The following RABGAP1 variants were observed in gnomAD, a reference collection of about 807,000 sequenced individuals.
The protein encoded by RABGAP1 is rab GTPase-activating protein 1.
In RABGAP1, 23 loss-of-function variants were observed where a neutral mutation model predicts 137.6. That is an observed-to-expected ratio of 0.17 (90% CI 0.12 to 0.24). The LOEUF is 0.24. Ranked by LOEUF, RABGAP1 falls within the 10% of genes least tolerant of loss-of-function variation. The pLI is 1.00. For missense variants in RABGAP1, 906 were observed against 1,275.8 expected, an observed-to-expected ratio of 0.71 and a Z score of 4.42; for synonymous variants, 451 against 450.7, an observed-to-expected ratio of 1.00 and a Z score of -0.01.
chr9:122,941,476 C>G (rs959328647), intron 1 of RABGAP1, among the ~76,000 whole-genome samples: 1 of 152,036 alleles, frequency 6.6e-6, no homozygotes, highest in Non-Finnish European at 1.5e-5. Flanking sequence ...TCCAGCCGCT[C>G]CCCCCCGCCT....
chr9:122,950,377 C>CTTTTTTTTTTTTTTTTTTTTTTTGT (rs200424486), intron 1 of RABGAP1, among the ~76,000 whole-genome samples: 4 of 74,490 alleles, frequency 5.4e-5, no homozygotes, highest in Non-Finnish European at 9.5e-5. Flanking sequence ...CTTTTTCTTT[C>CTTTTTTTTTTTTTTTTTTTTTTTGT]TTTTTTTTTT....
intron 21 of RABGAP1, among the ~76,000 whole-genome samples, chr9:123,097,454 C>T (rs368386046): frequency 1.3e-5 from 2 of 152,196 alleles, no homozygotes; most frequent in South Asian, 2.1e-4. Flanking sequence ...TAGAGAGGTT[C>T]TCAATGACTT....
intron 2 of RABGAP1, among the ~76,000 whole-genome samples, chr9:122,958,128 G>A (rs1464828725): frequency 2.0e-5 from 3 of 152,136 alleles, no homozygotes; most frequent in Non-Finnish European, 4.4e-5. Flanking sequence ...CCACTTGTCT[G>A]GGGCAGACGG....
chr9:123,021,750 AT>A (rs1220280710), intron 13 of RABGAP1, among the ~76,000 whole-genome samples: 3 of 152,182 alleles, frequency 2.0e-5, no homozygotes, highest in Non-Finnish European at 4.4e-5. Context: ...AAGTATTCTG[AT>A]TCCTTCCATT....
At chr9:122,961,538 A>G (rs533645880) in intron 2 of RABGAP1, among the ~76,000 whole-genome samples, 4 of 152,372 alleles carry the variant, frequency 2.6e-5, no homozygotes, top group South Asian at 2.1e-4. Flanking sequence ...GAAGTTCTTC[A>G]GGCTGAAAGC....
At chr9:123,026,314 A>G (rs2031967181) in intron 13 of RABGAP1, among the ~76,000 whole-genome samples, 1 of 152,180 alleles carries the variant, frequency 6.6e-6, no homozygotes, top group African/African-American at 2.4e-5. Flanking sequence ...ACAGAGTGAG[A>G]CTTAAAATAA....
rs1302625861 is a variant in RABGAP1, at chr9:123,009,789, C to T, written c.1375-565C>T. On this transcript the variant is annotated intron_variant, in intron 10 of 25. Coordinates refer to ENST00000373647, the MANE Select transcript of RABGAP1 (RefSeq NM_012197.4). Reference sequence around the variant, plus strand: ...ATGTGTTCTCTGCCATTCACCTCCCCCTGACCCCACCCCAACTCCAAGTTG... The same window carrying T: ...ATGTGTTCTCTGCCATTCACCTCCCTCTGACCCCACCCCAACTCCAAGTTG... Among the ~76,000 whole-genome samples the T allele has an allele frequency of 2.7e-5, 4 of 146,908 alleles. No homozygotes were observed. In the South Asian group the frequency reaches 6.2e-4, roughly 23 times the overall value.
chr9:122,955,630 A>C (rs1166723123), intron 1 of RABGAP1, among the ~76,000 whole-genome samples: 1 of 151,904 alleles, frequency 6.6e-6, no homozygotes, highest in East Asian at 1.9e-4. Flanking sequence ...TTGATTTGTA[A>C]GTTTTTTTTT....
chr9:123,037,245 T>G (rs2032713483), intron 13 of RABGAP1, among the ~76,000 whole-genome samples: 2 of 152,224 alleles, frequency 1.3e-5, no homozygotes, highest in African/African-American at 4.8e-5. Flanking sequence ...GCCAGTGTTC[T>G]TATGATTTTA....
At chr9:122,977,126 G>T (rs1446859086) in intron 2 of RABGAP1, among the ~76,000 whole-genome samples, 2 of 152,172 alleles carry the variant, frequency 1.3e-5, no homozygotes, top group Non-Finnish European at 2.9e-5. Context: ...TAAAAACAAG[G>T]CAGTGCTTGA....
chr9:122,998,245 A>C (rs912433465), intron 9 of RABGAP1, among the ~76,000 whole-genome samples: 1 of 152,070 alleles, frequency 6.6e-6, no homozygotes, highest in East Asian at 1.9e-4. Context: ...GACTACAGGC[A>C]TGTGCCAACA....
intron 13 of RABGAP1, among the ~76,000 whole-genome samples, chr9:123,058,999 T>C (rs2033859360): frequency 6.6e-6 from 1 of 152,190 alleles, no homozygotes; most frequent in Non-Finnish European, 1.5e-5. Flanking sequence ...CCCTACTTAC[T>C]ACATGGTTCA....
At chr9:122,979,378 G>A (rs746575882) in intron 2 of RABGAP1, among the ~76,000 whole-genome samples, 2 of 152,080 alleles carry the variant, frequency 1.3e-5, no homozygotes, top group African/African-American at 2.4e-5. Context: ...CTGGATATAC[G>A]TCCTTCATCA....
At chr9:122,936,651 T>C (rs1833392061), upstream of RABGAP1, among the ~76,000 whole-genome samples, 2 of 152,194 alleles carry the variant, frequency 1.3e-5, no homozygotes, top group Admixed American at 1.3e-4. Context: ...ACACTCTGGT[T>C]GTTGATGACT....
At chr9:123,007,362 A>G (rs1305036030) in intron 10 of RABGAP1, among the ~76,000 whole-genome samples, 5 of 144,698 alleles carry the variant, frequency 3.5e-5, no homozygotes, top group African/African-American at 1.0e-4. Flanking sequence ...GGCGTGAGCT[A>G]CTGAGCCTGG....
chr9:123,052,704 C>T (rs1588340151), intron 13 of RABGAP1, among the ~76,000 whole-genome samples: 1 of 152,028 alleles, frequency 6.6e-6, no homozygotes, highest in South Asian at 2.1e-4. Flanking sequence ...CTGAGGTGAG[C>T]AGATCACTTG....
At chr9:123,057,993 G>A (rs1438252549) in intron 13 of RABGAP1, among the ~76,000 whole-genome samples, 1 of 144,292 alleles carries the variant, frequency 6.9e-6, no homozygotes, top group Non-Finnish European at 1.5e-5. Context: ...AGTGAGCCGA[G>A]ACGGCAGCAG....
At chr9:123,089,957 T>G in intron 20 of RABGAP1, 107 bp downstream of exon 20, 3 of 1,034,254 alleles carry the variant, frequency 2.9e-6, no homozygotes, top group African/African-American at 3.2e-5. Flanking sequence ...AATTCCTCTG[T>G]AGGTTCAGGT....
At chr9:123,048,832 G>A (rs1305265752) in intron 13 of RABGAP1, among the ~76,000 whole-genome samples, 1 of 152,160 alleles carries the variant, frequency 6.6e-6, no homozygotes, top group Non-Finnish European at 1.5e-5. Flanking sequence ...TGCTGTGAAG[G>A]AGAATCAACA....
Sources: gnomAD v4.1 joint callset for allele counts (sites outside exome capture counted in the v4.1 genomes callset) on GRCh38, gnomAD v4.1.1 for gene constraint, MANE v1.5 for transcripts, NCBI Gene and HGNC (gene_info 2026-07-23, HGNC 2026-07-21) for gene names.